Variants in ATP8A2 observed in about 807,000 individuals in gnomAD.
The protein encoded by ATP8A2 is ATPase phospholipid transporting 8A2, also known as phospholipid-transporting ATPase IB.
Under a neutral mutation model 165.6 loss-of-function variants are expected in ATP8A2, and 100 were observed. The observed-to-expected ratio is 0.60, with a 90% CI of 0.51 to 0.71. The LOEUF (loss-of-function observed/expected upper bound fraction) is 0.71, where lower values mean the gene tolerates loss of function less well. Among genes scored for constraint, ATP8A2 ranks in the 30% least tolerant of loss-of-function variants. ATP8A2 has a pLI of 0.00. For missense variants in ATP8A2, 1,227 were observed against 1,479.5 expected (o/e 0.83, Z 2.80); for synonymous variants, 543 against 548.8 (o/e 0.99, Z 0.15).
intron 2 of ATP8A2, among the ~76,000 whole-genome samples, chr13:25,501,000 T>A (rs966149912): frequency 6.6e-6 from 1 of 152,250 alleles, no homozygotes; most frequent in Non-Finnish European, 1.5e-5. Flanking sequence ...AAAACTAAAC[T>A]TGAATGCCTA....
intron 4 of ATP8A2, among the ~76,000 whole-genome samples, chr13:25,531,201 A>G (rs1037416710): frequency 2.8e-5 from 4 of 141,176 alleles, no homozygotes; most frequent in African/African-American, 8.0e-5. Flanking sequence ...TATGTTATAT[A>G]TGATATATGT....
chr13:25,432,568 G>A (rs2034644979), intron 1 of ATP8A2, among the ~76,000 whole-genome samples: 1 of 152,128 alleles, frequency 6.6e-6, no homozygotes, highest in Non-Finnish European at 1.5e-5. Context: ...CTTGTGGGCT[G>A]GTGGGAGGGC....
At chr13:25,452,009 C>T (rs1264776740) in intron 1 of ATP8A2, among the ~76,000 whole-genome samples, 1 of 152,076 alleles carries the variant, frequency 6.6e-6, no homozygotes, top group East Asian at 1.9e-4. Flanking sequence ...CGCCTGCCAC[C>T]ACACCTGGTT....
intron 10 of ATP8A2, 63 bp from the exon 11 acceptor site, chr13:25,551,275 C>A (rs2038813107): frequency 6.7e-7 from 1 of 1,492,280 alleles, no homozygotes; most frequent in Non-Finnish European, 9.1e-7. Flanking sequence ...TACCTCCTTT[C>A]CCCCAACCCC....
At chr13:25,762,681 G>C (rs1197275674) in intron 25 of ATP8A2, among the ~76,000 whole-genome samples, 2 of 152,166 alleles carry the variant, frequency 1.3e-5, no homozygotes, top group East Asian at 3.8e-4. Context: ...ACCATTTATT[G>C]AATGTCTGCT....
chr13:25,860,320 A>T, intron 31 of ATP8A2, 64 bp downstream of exon 31: 1 of 981,260 alleles, frequency 1.0e-6, no homozygotes, highest in South Asian at 1.5e-5. Context: ...CACTTCTCTA[A>T]ACCCTTAAAA....
chr13:26,015,518 G>A (rs2139368188), intron 36 of ATP8A2, among the ~76,000 whole-genome samples: 1 of 152,174 alleles, frequency 6.6e-6, no homozygotes, highest in Non-Finnish European at 1.5e-5. Flanking sequence ...ACAGGAAACT[G>A]CTATTTTCAT....
chr13:25,761,656 A>G (rs2044381014), intron 25 of ATP8A2, among the ~76,000 whole-genome samples: 1 of 150,214 alleles, frequency 6.7e-6, no homozygotes, highest in African/African-American at 2.4e-5. Context: ...TTAGCACAGT[A>G]TATATATATA....
chr13:25,687,285 G>A (rs2042622363), intron 24 of ATP8A2, among the ~76,000 whole-genome samples: 1 of 152,168 alleles, frequency 6.6e-6, no homozygotes, highest in Non-Finnish European at 1.5e-5. Context: ...AATGACCCAG[G>A]TGATCTCTTT....
At chr13:25,618,346 A>C (rs1430814298) in intron 24 of ATP8A2, among the ~76,000 whole-genome samples, 1 of 152,106 alleles carries the variant, frequency 6.6e-6, no homozygotes. Flanking sequence ...AAGGGAAGAC[A>C]TGGAAATGAC....
At chr13:25,768,005 C>T (rs1175260134) in intron 25 of ATP8A2, among the ~76,000 whole-genome samples, 5 of 136,988 alleles carry the variant, frequency 3.6e-5, no homozygotes, top group African/African-American at 1.1e-4. Flanking sequence ...CATATGTGGG[C>T]GTGGCCAGTA....
At position 25,542,013 on chromosome 13, in the gene ATP8A2, A is replaced by G; in HGVS notation, c.746A>G (p.Asp249Gly). The change falls in exon 9 of 37, where the codon GAC (aspartate) becomes GGC (glycine). Residue 249 changes from aspartate (D) to glycine (G), a missense_variant. Asp to Gly is a moderately conservative substitution (Grantham distance 94). Around this residue, in one of 5 missense-constraint regions of ATP8A2, gnomAD observed 356 missense variants for 394.9 expected, o/e 0.90. Coordinates refer to ENST00000381655, the MANE Select transcript of ATP8A2 (RefSeq NM_016529.6). Reference protein sequence around the residue: ...ECEGPNRHLYDFTGNLNLDGK... With the variant: ...ECEGPNRHLYGFTGNLNLDGK... ...GAAGGGCCCAACCGCCACCTCTATG[A>G]CTTCACTGGAAACTTGAACTTAGAT... is the stretch of plus-strand genomic sequence containing the variant. The G allele has an allele frequency of 6.2e-7, 1 of 1,614,090 alleles. No homozygotes were observed. Among genetic ancestry groups the G allele is most frequent in the Non-Finnish European group, 8.5e-7 (1 of 1,179,956 alleles).
intron 27 of ATP8A2, 69 bp downstream of exon 27, chr13:25,775,028 T>A: frequency 1.1e-6 from 1 of 887,436 alleles, no homozygotes; most frequent in Non-Finnish European, 1.8e-6. Context: ...GTATTTAAAG[T>A]CATTTCAAGG....
chr13:25,402,238 A>C (rs976469068), intron 1 of ATP8A2, among the ~76,000 whole-genome samples: 5 of 152,090 alleles, frequency 3.3e-5, no homozygotes, highest in African/African-American at 1.2e-4. Context: ...GCAGTTTAAA[A>C]CTTATGAGTT....
At chr13:25,434,754 G>T (rs1279531778) in intron 1 of ATP8A2, among the ~76,000 whole-genome samples, 1 of 152,052 alleles carries the variant, frequency 6.6e-6, no homozygotes, top group Non-Finnish European at 1.5e-5. Flanking sequence ...TTCTATTGAT[G>T]ACTTGTCTCT....
chr13:25,733,275 T>C (rs9511903), intron 25 of ATP8A2, among the ~76,000 whole-genome samples: 76,030 of 151,996 alleles, frequency 0.5, 19,220 homozygotes, highest in East Asian at 0.58. Flanking sequence ...TTTCCACCCC[T>C]GACTGCCCAC....
chr13:25,380,501 A>C (rs1183470605), intron 1 of ATP8A2, among the ~76,000 whole-genome samples: 1 of 152,198 alleles, frequency 6.6e-6, no homozygotes, highest in East Asian at 1.9e-4. Flanking sequence ...AAGGAAAATA[A>C]AACAGTTCAT....
intron 15 of ATP8A2, among the ~76,000 whole-genome samples, chr13:25,561,004 A>T (rs1217619797): frequency 1.3e-5 from 2 of 151,288 alleles, no homozygotes; most frequent in Non-Finnish European, 2.9e-5. Flanking sequence ...CTCCTGCCTC[A>T]GCCTCCCGAG....
At chr13:25,937,362 C>CTTTCTTTTTTT in intron 33 of ATP8A2, among the ~76,000 whole-genome samples, 514 of 38,738 alleles carry the variant, frequency 0.013, 74 homozygotes, top group African/African-American at 0.031. Context: ...TTCTTTCTTT[C>CTTTCTTTTTTT]TTTTTTTTTT....
Sources: allele counts gnomAD v4.1 joint callset (sites outside exome capture counted in the v4.1 genomes callset), GRCh38; gene constraint gnomAD v4.1.1; regional missense constraint gnomAD v4.1.1; transcripts MANE v1.5; gene names NCBI Gene and HGNC (gene_info 2026-07-23, HGNC 2026-07-21).